PAPPA2: variants seen among roughly 807,000 people sequenced by gnomAD.
The protein encoded by PAPPA2 is pappalysin-2.
Under a neutral mutation model 176.4 loss-of-function variants are expected in PAPPA2, and 86 were observed. The observed-to-expected ratio is 0.49, with a 90% CI of 0.41 to 0.58. PAPPA2 has a LOEUF of 0.58. Among genes scored for constraint, PAPPA2 ranks in the 20% least tolerant of loss-of-function variants. PAPPA2 has a pLI of 0.00. For missense variants in PAPPA2, 2,073 were observed against 2,256.9 expected, an observed-to-expected ratio of 0.92 and a Z score of 1.65; for synonymous variants, 809 against 852.2, an observed-to-expected ratio of 0.95 and a Z score of 0.88.
chr1:176,554,701 T>C (rs1367262548), intron 1 of PAPPA2, among the ~76,000 whole-genome samples: 6 of 152,200 alleles, frequency 3.9e-5, no homozygotes, highest in Admixed American at 6.5e-5. Flanking sequence ...TAACTTCAGA[T>C]TGAGAAACTT....
intron 2 of PAPPA2, 38 bp downstream of exon 2, chr1:176,557,279 GT>G: frequency 1.3e-6 from 2 of 1,522,024 alleles, no homozygotes; most frequent in East Asian, 4.9e-5. Flanking sequence ...AATCCTGAGG[GT>G]ATGGCTGGCT....
chr1:176,672,517 G>C (rs1046806312), intron 4 of PAPPA2, among the ~76,000 whole-genome samples: 5 of 151,918 alleles, frequency 3.3e-5, no homozygotes, highest in Non-Finnish European at 7.4e-5. Flanking sequence ...GTATTCAAAA[G>C]ATAACCAGTG....
At position 176,463,335 on chromosome 1, in the gene PAPPA2, G is replaced by A. The variant is rs1048341597; in HGVS notation, c.-1000G>A. 1.3e-5 allele frequency: 2 copies of A among 152,252 alleles called. No homozygotes were observed. Among genetic ancestry groups the A allele is most frequent in the Non-Finnish European group, 2.9e-5 (2 of 68,062 alleles). 9.4% of individuals were successfully genotyped at this position (152,252 alleles called of 1,614,324 possible). A position where few individuals can be genotyped will look rare whatever the true frequency, so the allele number is the denominator to read the frequency against. On this transcript the variant is annotated 5_prime_UTR_variant, in exon 1 of 23. Transcript: ENST00000367662. ...ACGCCAGCCAGGATTGAGGTCCTACGGGTGTTTGGGGACCTCCCCAAGCCC... is the reference window on the plus strand; with the variant it reads ...ACGCCAGCCAGGATTGAGGTCCTACAGGTGTTTGGGGACCTCCCCAAGCCC...
rs146558393 is a variant in PAPPA2, at chr1:176,535,771, T to C, written c.-916-19636T>C. Reference sequence around the variant, plus strand: ...GTCCTCTAGTTTTCTCATGTATATATTGGGGCTAAGAGTAATTCTTGCCTT... The same window carrying C: ...GTCCTCTAGTTTTCTCATGTATATACTGGGGCTAAGAGTAATTCTTGCCTT... On this transcript the variant is annotated intron_variant, in intron 1 of 22. Transcript: ENST00000367662. 1.3e-3 allele frequency among the ~76,000 whole-genome samples: 194 copies of C among 152,322 alleles called. 1 individual carries two copies. The highest frequency in any genetic ancestry group is 2.4e-3 in the Admixed American group (36 of 15,302).
chr1:176,813,502 T>C (rs1236820930), intron 21 of PAPPA2, among the ~76,000 whole-genome samples: 1 of 152,246 alleles, frequency 6.6e-6, no homozygotes, highest in Non-Finnish European at 1.5e-5. Context: ...TGAAATGATA[T>C]CTCATTGTGG....
At chr1:176,666,964 G>C (rs1423590625) in intron 3 of PAPPA2, among the ~76,000 whole-genome samples, 2 of 152,156 alleles carry the variant, frequency 1.3e-5, no homozygotes, top group Non-Finnish European at 2.9e-5. Context: ...AGACTGTGTT[G>C]GCCGGGTACC....
At chr1:176,641,771 A>T (rs1393653770) in intron 3 of PAPPA2, among the ~76,000 whole-genome samples, 1 of 151,960 alleles carries the variant, frequency 6.6e-6, no homozygotes, top group Middle Eastern at 3.2e-3. Flanking sequence ...TTCTTGAGGA[A>T]CCACTGTTTC....
At chr1:176,743,333 C>T (rs941370771) in intron 14 of PAPPA2, among the ~76,000 whole-genome samples, 7 of 152,310 alleles carry the variant, frequency 4.6e-5, no homozygotes, top group Middle Eastern at 3.4e-3. Context: ...GGTTCTGTCT[C>T]AGTCTTGTTT....
At chr1:176,685,455 G>A (rs991864392) in intron 4 of PAPPA2, among the ~76,000 whole-genome samples, 1 of 152,200 alleles carries the variant, frequency 6.6e-6, no homozygotes, top group Non-Finnish European at 1.5e-5. Flanking sequence ...ATTGGTGCAG[G>A]TACCCATGTG....
In PAPPA2 at chr1:176,699,739, A is replaced by T. The variant is rs528247869; in HGVS notation, c.3236+150A>T. On this transcript the variant is annotated intron_variant, in intron 8 of 22. Transcript: ENST00000367662. ...ATTTTACCGTAAAGTGGCATATCTGAGGTAAAGAAAAGCACTTCCCAGAAA... is the reference window on the plus strand; with the variant it reads ...ATTTTACCGTAAAGTGGCATATCTGTGGTAAAGAAAAGCACTTCCCAGAAA... 3.8e-6 allele frequency: 5 copies of T among 1,327,264 alleles called. No homozygotes were observed. In the South Asian group the frequency reaches 7.6e-5, roughly 20 times the overall value. The allele number at this position is 1,327,264 out of a possible 1,614,324, so 82.2% of individuals were successfully genotyped here. A position where few individuals can be genotyped will look rare whatever the true frequency, so the allele number is the denominator to read the frequency against.
rs976509056 is a variant in PAPPA2 at position 176,844,314 on chromosome 1, G to C, written c.*1860G>C. 1 of 152,124 alleles carries C rather than the reference G, an allele frequency of 6.6e-6. No homozygotes were observed. The highest frequency in any genetic ancestry group is 2.4e-5 in the African/African-American group (1 of 41,442). The allele number at this position is 152,124 out of a possible 1,614,324, so 9.4% of individuals were successfully genotyped here. On this transcript the variant is annotated 3_prime_UTR_variant, in exon 23 of 23. Transcript: ENST00000367662. ...TCTTCCCATCAACACTAGAGCAATGGCTGTGCAAATAGGAATAGGAAATAC... is the reference window on the plus strand; with the variant it reads ...TCTTCCCATCAACACTAGAGCAATGCCTGTGCAAATAGGAATAGGAAATAC...
chr1:176,590,261 A>G (rs992999634), intron 2 of PAPPA2, among the ~76,000 whole-genome samples: 1 of 152,204 alleles, frequency 6.6e-6, no homozygotes, highest in Non-Finnish European at 1.5e-5. Flanking sequence ...CTTTACAGTA[A>G]TGGAATCGAC....
chr1:176,703,199 C>T (rs879110932), intron 9 of PAPPA2, among the ~76,000 whole-genome samples: 3 of 152,148 alleles, frequency 2.0e-5, no homozygotes, highest in East Asian at 1.9e-4. Flanking sequence ...GTATAGCTTT[C>T]GGATCTTCAG....
At chr1:176,512,280 G>T (rs887519082) in intron 1 of PAPPA2, among the ~76,000 whole-genome samples, 1 of 149,836 alleles carries the variant, frequency 6.7e-6, no homozygotes, top group African/African-American at 2.5e-5. Flanking sequence ...GGAGCAACTG[G>T]AACTTTCATA....
At chr1:176,593,612 C>A (rs1653786197) in intron 2 of PAPPA2, among the ~76,000 whole-genome samples, 1 of 152,188 alleles carries the variant, frequency 6.6e-6, no homozygotes, top group African/African-American at 2.4e-5. Context: ...CATGCCACAT[C>A]TGAAAGTTTG....
chr1:176,638,242 C>T (rs1018691113), intron 3 of PAPPA2, among the ~76,000 whole-genome samples: 4 of 151,854 alleles, frequency 2.6e-5, no homozygotes, highest in Non-Finnish European at 5.9e-5. Context: ...AAAATATGCA[C>T]GCCATACCCA....
At chr1:176,511,732 T>C (rs1170087603) in intron 1 of PAPPA2, among the ~76,000 whole-genome samples, 1 of 152,124 alleles carries the variant, frequency 6.6e-6, no homozygotes, top group Non-Finnish European at 1.5e-5. Flanking sequence ...GTGAATTTGC[T>C]CTCTCTGCTT....
chr1:176,587,270 C>T (rs749645464), intron 2 of PAPPA2, among the ~76,000 whole-genome samples: 4 of 152,056 alleles, frequency 2.6e-5, no homozygotes, highest in Non-Finnish European at 5.9e-5. Context: ...GTTTCTTTTG[C>T]TGTGCAGAAG....
intron 12 of PAPPA2, among the ~76,000 whole-genome samples, chr1:176,733,541 T>C (rs1291851744): frequency 6.6e-6 from 1 of 152,190 alleles, no homozygotes; most frequent in East Asian, 1.9e-4. Flanking sequence ...GAAAGCTTTT[T>C]CCAGTCCCAG....
Sources: allele counts gnomAD v4.1 joint callset (sites outside exome capture counted in the v4.1 genomes callset), GRCh38; gene constraint gnomAD v4.1.1; transcripts MANE v1.5; gene names NCBI Gene and HGNC (gene_info 2026-07-23, HGNC 2026-07-21).